Variants in NCALD observed in about 807,000 individuals in gnomAD.
The protein encoded by NCALD is neurocalcin-delta.
Under a neutral mutation model 18.6 loss-of-function variants are expected in NCALD, and 10 were observed. The ratio of observed to expected loss-of-function variants is 0.54; its 90% CI spans 0.33 to 0.91. NCALD has a LOEUF of 0.91. NCALD is among the 40% of genes least tolerant of loss of function. NCALD has a pLI of 0.03. For missense variants in NCALD, 184 were observed against 247.6 expected (o/e 0.74, Z 1.72); for synonymous variants, 88 against 87.4 (o/e 1.01, Z -0.04).
intron 1 of NCALD, among the ~76,000 whole-genome samples, chr8:102,100,559 G>A (rs970891290): frequency 2.0e-5 from 3 of 152,060 alleles, no homozygotes; most frequent in Non-Finnish European, 2.9e-5. Flanking sequence ...TGAGAAAATC[G>A]TCAAGAAACA....
At chr8:101,841,967 A>T (rs1027290031) in intron 4 of NCALD, among the ~76,000 whole-genome samples, 5 of 152,238 alleles carry the variant, frequency 3.3e-5, no homozygotes, top group Non-Finnish European at 5.9e-5. Context: ...CAGGGCTCCC[A>T]TAACAAAGTA....
At chr8:101,760,575 G>T (rs572520653) in intron 1 of NCALD, among the ~76,000 whole-genome samples, 2 of 152,310 alleles carry the variant, frequency 1.3e-5, no homozygotes, top group East Asian at 3.9e-4. Context: ...GATAGATGAA[G>T]AAAAGCCAGC....
intron 3 of NCALD, among the ~76,000 whole-genome samples, chr8:101,913,359 A>C (rs1323202032): frequency 6.6e-6 from 1 of 152,240 alleles, no homozygotes; most frequent in Non-Finnish European, 1.5e-5. Flanking sequence ...ATCTAGCAGA[A>C]TGCTTTATAC....
intron 4 of NCALD, among the ~76,000 whole-genome samples, chr8:101,863,657 T>C (rs1490708591): frequency 6.6e-6 from 1 of 152,190 alleles, no homozygotes; most frequent in Non-Finnish European, 1.5e-5. Flanking sequence ...ATTCCACATA[T>C]TAATATCATA....
chr8:102,003,753 T>C (rs2132036584), intron 2 of NCALD, among the ~76,000 whole-genome samples: 1 of 152,292 alleles, frequency 6.6e-6, no homozygotes, highest in East Asian at 1.9e-4. Flanking sequence ...CAATCCAGCA[T>C]ATAAACAGAA....
chr8:101,958,102 T>C (rs534001978), intron 2 of NCALD, among the ~76,000 whole-genome samples: 1 of 152,290 alleles, frequency 6.6e-6, no homozygotes, highest in East Asian at 1.9e-4. Flanking sequence ...TCCTCTCACC[T>C]ATAAAATGAG....
chr8:101,690,754 AT>A, intron 3 of NCALD: 5 of 985,396 alleles, frequency 5.1e-6, no homozygotes, highest in Non-Finnish European at 4.8e-6. Flanking sequence ...TGTGCTGGCC[AT>A]TTTTTATGAG....
At chr8:102,016,159 C>T (rs145892302) in intron 2 of NCALD, among the ~76,000 whole-genome samples, 1 of 152,132 alleles carries the variant, frequency 6.6e-6, no homozygotes. Context: ...AAGGGAAGGA[C>T]AAGAAACTTG....
chr8:101,789,509 G>C (rs1016832416), intron 1 of NCALD, among the ~76,000 whole-genome samples: 2 of 152,058 alleles, frequency 1.3e-5, no homozygotes, highest in African/African-American at 4.8e-5. Context: ...GCTAAATACT[G>C]TTCAAAATTT....
At chr8:101,773,351 A>G (rs1811662886) in intron 1 of NCALD, among the ~76,000 whole-genome samples, 1 of 152,150 alleles carries the variant, frequency 6.6e-6, no homozygotes, top group South Asian at 2.1e-4. Context: ...TGCCAGAGCA[A>G]TCTAGCTCTA....
chr8:101,987,220 C>T (rs1820846498), intron 2 of NCALD, among the ~76,000 whole-genome samples: 1 of 152,182 alleles, frequency 6.6e-6, no homozygotes, highest in Admixed American at 6.5e-5. Flanking sequence ...CGACTATTGC[C>T]TTTTCTCAAC....
At chr8:102,076,993 C>T (rs1443331345) in intron 1 of NCALD, among the ~76,000 whole-genome samples, 1 of 152,110 alleles carries the variant, frequency 6.6e-6, no homozygotes, top group African/African-American at 2.4e-5. Flanking sequence ...TGAAGCAATG[C>T]TATATCATCT....
At chr8:102,006,023 G>T (rs1242183023) in intron 2 of NCALD, among the ~76,000 whole-genome samples, 3 of 148,552 alleles carry the variant, frequency 2.0e-5, no homozygotes, top group Non-Finnish European at 4.4e-5. Flanking sequence ...AAAACTTAAA[G>T]TATAATAATA....
At chr8:101,970,843 A>C (rs1287633421) in intron 2 of NCALD, among the ~76,000 whole-genome samples, 1 of 152,180 alleles carries the variant, frequency 6.6e-6, no homozygotes, top group Non-Finnish European at 1.5e-5. Flanking sequence ...TCCAATACTC[A>C]GGCTGAAATT....
chr8:102,043,720 G>A (rs1823137931), intron 1 of NCALD, among the ~76,000 whole-genome samples: 1 of 150,066 alleles, frequency 6.7e-6, no homozygotes, highest in South Asian at 2.1e-4. Context: ...CAGGGGACAG[G>A]GAGGGGGAGG....
Position 101,763,971 on chromosome 8 carries a change from C to CTCT in NCALD, c.-20+26890_-20+26891insAGA, listed in dbSNP as rs1563744233. ...ACAAATTTCTCTCTCTCTCTCCACA[C>CTCT]ACACACACACACACACACACACACA... On this transcript the variant is annotated intron_variant, in intron 1 of 3. Transcript: ENST00000220931. 1.6e-3 allele frequency among the ~76,000 whole-genome samples: 27 copies of CTCT among 17,106 alleles called. 1 individual carries two copies. In the South Asian group the frequency reaches 0.042, roughly 27 times the overall value. The allele number at this position is 17,106 out of a possible 152,430, so 11.2% of individuals were successfully genotyped here. A position where few individuals can be genotyped will look rare whatever the true frequency, so the allele number is the denominator to read the frequency against.
chr8:102,088,148 G>A (rs1824802801), intron 1 of NCALD, among the ~76,000 whole-genome samples: 1 of 152,204 alleles, frequency 6.6e-6, no homozygotes, highest in Non-Finnish European at 1.5e-5. Context: ...GATGGCCCAG[G>A]AAACTGGTCA....
At chr8:101,966,523 C>T (rs913527861) in intron 2 of NCALD, among the ~76,000 whole-genome samples, 2 of 151,376 alleles carry the variant, frequency 1.3e-5, no homozygotes, top group Admixed American at 6.6e-5. Flanking sequence ...AGGAGATATA[C>T]CTAATGCTAA....
At chr8:101,778,404 AAAG>A (rs1287267308) in intron 1 of NCALD, among the ~76,000 whole-genome samples, 2 of 152,216 alleles carry the variant, frequency 1.3e-5, no homozygotes, top group Non-Finnish European at 2.9e-5. Flanking sequence ...AGAACATATG[AAAG>A]AAGGATCCAG....
Sources: allele counts gnomAD v4.1 joint callset (sites outside exome capture counted in the v4.1 genomes callset), GRCh38; gene constraint gnomAD v4.1.1; transcripts MANE v1.5; gene names NCBI Gene and HGNC (gene_info 2026-07-23, HGNC 2026-07-21).